Variants in TECRL observed in about 807,000 individuals in gnomAD.
TECRL encodes trans-2,3-enoyl-CoA reductase like.
Under a neutral mutation model 52.8 loss-of-function variants are expected in TECRL, and 63 were observed. The observed-to-expected ratio is 1.19, with a 90% CI of 0.97 to 1.47. The LOEUF (loss-of-function observed/expected upper bound fraction) is 1.47, where lower values mean the gene tolerates loss of function less well. TECRL is among the 40% of genes most tolerant of loss of function. TECRL has a pLI of 0.00. For missense variants in TECRL, 482 were observed against 429.6 expected (o/e 1.12, Z -1.08); for synonymous variants, 164 against 141.9 (o/e 1.16, Z -1.10).
At chr4:64,286,417 A>C (rs1723084158) in intron 9 of TECRL, among the ~76,000 whole-genome samples, 1 of 152,056 alleles carries the variant, frequency 6.6e-6, no homozygotes, top group Non-Finnish European at 1.5e-5. Flanking sequence ...GTCAAAGAGA[A>C]AGTGATAGAG....
rs141070116 is a variant in TECRL, at chr4:64,342,054, G to A, written c.287-13498C>T. Among the ~76,000 whole-genome samples the A allele has an allele frequency of 2.1e-3, 325 of 152,168 alleles. 8 individuals are homozygous for A. The East Asian group carries it at 0.059, about 28-fold the overall frequency. The stretch of plus-strand genomic sequence containing the variant: ...CGAGTGGGCAGAATGAGCCCAGCAG[G>A]CCCAAGGAAAACTCAGGCAAAGGCA... On this transcript the variant is annotated intron_variant, in intron 2 of 11. Coordinates refer to ENST00000381210, the MANE Select transcript of TECRL (RefSeq NM_001010874.5).
chr4:64,375,510 A>T lies in TECRL; in HGVS notation c.235-287T>A, dbSNP rs546318267. Among the ~76,000 whole-genome samples the T allele has an allele frequency of 2.6e-5, 4 of 152,082 alleles. No homozygotes were observed. The East Asian group carries it at 7.7e-4, about 29-fold the overall frequency. On this transcript the variant is annotated intron_variant, in intron 1 of 11. Coordinates refer to ENST00000381210, the MANE Select transcript of TECRL (RefSeq NM_001010874.5). ...TTTTTGAATTTTCTTTGTCCAAAAT[A>T]GTCAATGTATTTTTCCACATCTCAT...
intron 5 of TECRL, 88 bp downstream of exon 5, chr4:64,314,560 T>G: frequency 1.0e-6 from 1 of 975,434 alleles, no homozygotes; most frequent in Non-Finnish European, 1.6e-6. Context: ...TTTTACCTGC[T>G]TACTAGTTCA....
At chr4:64,406,272 T>C (rs1724721861) in intron 1 of TECRL, among the ~76,000 whole-genome samples, 1 of 151,862 alleles carries the variant, frequency 6.6e-6, no homozygotes, top group Non-Finnish European at 1.5e-5. Flanking sequence ...ATATTTTGAG[T>C]CTATACTTTG....
At chr4:64,369,973 T>C (rs1255600686) in intron 2 of TECRL, among the ~76,000 whole-genome samples, 1 of 151,638 alleles carries the variant, frequency 6.6e-6, no homozygotes, top group East Asian at 1.9e-4. Context: ...AGAGTACAGA[T>C]TGAAAGAGTG....
chr4:64,343,062 C>CAGAAA (rs1240892847), intron 2 of TECRL, among the ~76,000 whole-genome samples: 1 of 150,692 alleles, frequency 6.6e-6, no homozygotes, highest in Non-Finnish European at 1.5e-5. Context: ...AAAAATTCAA[C>CAGAAA]AGAAAATATA....
chr4:64,278,509 T>G lies in TECRL; in HGVS notation c.*1563A>C, dbSNP rs1722660224. On this transcript the variant is annotated 3_prime_UTR_variant, in exon 12 of 12. Transcript: ENST00000381210. ...TTGAGCGACATAAGAATTGAACATA[T>G]TTGGGAGATACATAATAATGTTTCA... 4.6e-6 allele frequency: 1 copy of G among 218,774 alleles called. No individual in the cohort carries two copies. The highest frequency in any genetic ancestry group is 2.3e-5 in the African/African-American group (1 of 42,652). 13.6% of individuals were successfully genotyped at this position (218,774 alleles called of 1,614,324 possible). A position where few individuals can be genotyped will look rare whatever the true frequency, so the allele number is the denominator to read the frequency against.
intron 2 of TECRL, among the ~76,000 whole-genome samples, chr4:64,374,187 C>T (rs1414266171): frequency 6.7e-6 from 1 of 149,420 alleles, no homozygotes; most frequent in Non-Finnish European, 1.5e-5. Flanking sequence ...AAAATATCAC[C>T]TTCCTCAAGA....
At chr4:64,313,520 C>A (rs886390746) in intron 5 of TECRL, among the ~76,000 whole-genome samples, 2 of 139,734 alleles carry the variant, frequency 1.4e-5, no homozygotes, top group African/African-American at 2.8e-5. Context: ...CTTTCTCTGT[C>A]CCCCAGGCCG....
chr4:64,315,757 A>G (rs1040097137), intron 4 of TECRL, among the ~76,000 whole-genome samples: 3 of 152,138 alleles, frequency 2.0e-5, no homozygotes, highest in Non-Finnish European at 4.4e-5. Flanking sequence ...ATTCATATGC[A>G]TATATGTGTG....
chr4:64,377,815 T>G (rs1722508486), intron 1 of TECRL, among the ~76,000 whole-genome samples: 1 of 152,108 alleles, frequency 6.6e-6, no homozygotes, highest in Non-Finnish European at 1.5e-5. Flanking sequence ...ACAGAAACCT[T>G]TTTTTGTAAT....
At chr4:64,322,452 TTAAAAA>T (rs988572312) in intron 4 of TECRL, among the ~76,000 whole-genome samples, 4 of 142,678 alleles carry the variant, frequency 2.8e-5, no homozygotes, top group African/African-American at 1.1e-4. Flanking sequence ...TGGGTTGACT[TTAAAAA>T]AAAAAAAAAA....
At chr4:64,408,379 A>T (rs927876497) in intron 1 of TECRL, among the ~76,000 whole-genome samples, 2 of 151,850 alleles carry the variant, frequency 1.3e-5, no homozygotes, top group African/African-American at 4.8e-5. Flanking sequence ...GTACTTTTCA[A>T]ATTTATTAAA....
chr4:64,327,251 A>G (rs1409227961), intron 3 of TECRL, among the ~76,000 whole-genome samples: 1 of 152,078 alleles, frequency 6.6e-6, no homozygotes, highest in Non-Finnish European at 1.5e-5. Flanking sequence ...TGCGACAACT[A>G]TATTTTACTC....
intron 3 of TECRL, among the ~76,000 whole-genome samples, chr4:64,325,542 T>A (rs1718205937): frequency 6.6e-6 from 1 of 152,162 alleles, no homozygotes; most frequent in South Asian, 2.1e-4. Context: ...AGTTTTTTTA[T>A]ACTGCTAAAT....
chr4:64,389,735 T>G (rs937477704), intron 1 of TECRL, among the ~76,000 whole-genome samples: 1 of 151,944 alleles, frequency 6.6e-6, no homozygotes, highest in African/African-American at 2.4e-5. Flanking sequence ...CTGGTACTAC[T>G]GTTTTGATAG....
At chr4:64,336,603 G>T (rs1326542024) in intron 2 of TECRL, among the ~76,000 whole-genome samples, 1 of 152,142 alleles carries the variant, frequency 6.6e-6, no homozygotes, top group Non-Finnish European at 1.5e-5. Context: ...TGATGTTAGG[G>T]TGTCAATTTT....
chr4:64,361,216 C>T (rs1465754471), intron 2 of TECRL, among the ~76,000 whole-genome samples: 1 of 152,142 alleles, frequency 6.6e-6, no homozygotes, highest in East Asian at 1.9e-4. Flanking sequence ...AGACCTCTGC[C>T]AGCATACACC....
intron 2 of TECRL, among the ~76,000 whole-genome samples, chr4:64,343,994 G>T (rs866621001): frequency 7.3e-5 from 11 of 150,832 alleles, no homozygotes; most frequent in Middle Eastern, 6.8e-3. Context: ...GAGAGGAAGG[G>T]GTCTATCCCC....
Sources: allele counts gnomAD v4.1 joint callset (sites outside exome capture counted in the v4.1 genomes callset), GRCh38; gene constraint gnomAD v4.1.1; transcripts MANE v1.5; gene names NCBI Gene and HGNC (gene_info 2026-07-23, HGNC 2026-07-21).